The following TFEC variants were observed in gnomAD, a reference collection of about 807,000 sequenced individuals.
TFEC encodes transcription factor EC.
In TFEC, 31 loss-of-function variants were observed where a neutral mutation model predicts 41.6. The observed-to-expected ratio is 0.74, with a 90% CI of 0.56 to 1.01. TFEC has a LOEUF of 1.01. Among genes scored for constraint, TFEC ranks in the 50% least tolerant of loss-of-function variants. The pLI, the probability that TFEC is intolerant of heterozygous loss-of-function variation, is 0.00. For synonymous variants in TFEC, 143 were observed against 140.6 expected, an observed-to-expected ratio of 1.02 and a Z score of -0.12; for missense variants, 402 against 404.1, an observed-to-expected ratio of 0.99 and a Z score of 0.04.
chr7:116,009,640 G>C (rs962936154), intron 1 of TFEC, among the ~76,000 whole-genome samples: 4 of 151,980 alleles, frequency 2.6e-5, no homozygotes, highest in African/African-American at 7.2e-5. Flanking sequence ...AAGGTAAAAG[G>C]TGTCATAAAA....
At chr7:115,965,241 T>G (rs530417181) in intron 3 of TFEC, among the ~76,000 whole-genome samples, 124 of 151,766 alleles carry the variant, frequency 8.2e-4, no homozygotes, top group Non-Finnish European at 1.6e-3. Context: ...CGGTAATAGC[T>G]TCTTAAAGGG....
At chr7:116,118,433 C>G (rs1217187164) in intron 1 of TFEC, among the ~76,000 whole-genome samples, 1 of 151,762 alleles carries the variant, frequency 6.6e-6, no homozygotes, top group Non-Finnish European at 1.5e-5. Context: ...AAATAATGAG[C>G]TCATTGTGCC....
intron 3 of TFEC, among the ~76,000 whole-genome samples, chr7:115,961,547 T>C (rs1026093547): frequency 3.3e-5 from 5 of 151,300 alleles, no homozygotes; most frequent in African/African-American, 7.3e-5. Context: ...ATAGATAATA[T>C]AATAAGGCCG....
intron 3 of TFEC, among the ~76,000 whole-genome samples, chr7:115,967,434 C>A (rs770101451): frequency 9.9e-5 from 15 of 151,698 alleles, no homozygotes; most frequent in Non-Finnish European, 1.9e-4. Context: ...CTAGAGTGCA[C>A]AATGCATGCA....
intron 3 of TFEC, among the ~76,000 whole-genome samples, chr7:116,085,144 C>T (rs780313385): frequency 4.0e-5 from 6 of 151,804 alleles, no homozygotes; most frequent in Non-Finnish European, 5.9e-5. Context: ...AGTAAGCTTG[C>T]TGGGCTTGAG....
intron 3 of TFEC, among the ~76,000 whole-genome samples, chr7:116,043,872 A>T (rs573971927): frequency 6.6e-6 from 1 of 152,276 alleles, no homozygotes; most frequent in African/African-American, 2.4e-5. Context: ...GAGCTCTTCA[A>T]TTAGTGAGGT....
chr7:116,058,221 C>T (rs918728350), intron 3 of TFEC, among the ~76,000 whole-genome samples: 4 of 151,360 alleles, frequency 2.6e-5, no homozygotes, highest in Non-Finnish European at 5.9e-5. Context: ...GATCAAAAGG[C>T]AATTGGAATG....
At chr7:116,095,411 C>CACATACACACATACACATAT (rs1265567100) in intron 3 of TFEC, among the ~76,000 whole-genome samples, 4 of 152,154 alleles carry the variant, frequency 2.6e-5, no homozygotes, top group African/African-American at 7.2e-5. Context: ...CATGTGTGGA[C>CACATACACACATACACATAT]ACATACACAC....
intron 3 of TFEC, among the ~76,000 whole-genome samples, chr7:116,038,324 A>G (rs1469054361): frequency 6.6e-6 from 1 of 151,978 alleles, no homozygotes; most frequent in Non-Finnish European, 1.5e-5. Flanking sequence ...CTTTTGCCAG[A>G]CAGGTGCCAT....
intron 3 of TFEC, among the ~76,000 whole-genome samples, chr7:116,056,696 A>G (rs1471031575): frequency 6.6e-6 from 1 of 152,138 alleles, no homozygotes; most frequent in Non-Finnish European, 1.5e-5. Flanking sequence ...ACTCTCTTTA[A>G]CTAACTAAAT....
chr7:115,988,282 AT>A (rs1301385442), intron 1 of TFEC, among the ~76,000 whole-genome samples: 2 of 152,174 alleles, frequency 1.3e-5, no homozygotes, highest in Non-Finnish European at 2.9e-5. Flanking sequence ...ACCAGGATGA[AT>A]TTTTTAAAAA....
At chr7:116,054,851 T>G (rs1002651199) in intron 3 of TFEC, among the ~76,000 whole-genome samples, 1 of 152,120 alleles carries the variant, frequency 6.6e-6, no homozygotes, top group African/African-American at 2.4e-5. Flanking sequence ...ATAAGATAGA[T>G]CTTTACCACT....
chr7:116,035,975 C>T (rs1007334790), intron 3 of TFEC, among the ~76,000 whole-genome samples: 1 of 151,822 alleles, frequency 6.6e-6, no homozygotes, highest in Non-Finnish European at 1.5e-5. Flanking sequence ...AAAAAAATCA[C>T]TAAATACAAA....
At chr7:116,016,718 T>C (rs1795205778) in intron 1 of TFEC, among the ~76,000 whole-genome samples, 1 of 151,828 alleles carries the variant, frequency 6.6e-6, no homozygotes, top group Admixed American at 6.6e-5. Context: ...TATATAGTTA[T>C]AGTATATGCA....
chr7:116,096,337 T>G (rs1797459856), intron 3 of TFEC, among the ~76,000 whole-genome samples: 1 of 152,250 alleles, frequency 6.6e-6, no homozygotes, highest in African/African-American at 2.4e-5. Context: ...TGTCAAATAG[T>G]CTCATATTTT....
intron 3 of TFEC, among the ~76,000 whole-genome samples, chr7:116,105,029 T>C (rs1182657686): frequency 2.0e-5 from 3 of 152,192 alleles, no homozygotes; most frequent in Admixed American, 6.5e-5. Context: ...TATACATCTC[T>C]TGGTATTTTT....
At chr7:116,087,760 A>AG (rs1797234166) in intron 3 of TFEC, among the ~76,000 whole-genome samples, 1 of 152,046 alleles carries the variant, frequency 6.6e-6, no homozygotes, top group Non-Finnish European at 1.5e-5. Context: ...TATTAATGAA[A>AG]AAGGAAAAAT....
At chr7:115,987,612 C>T (rs1424656782) in intron 1 of TFEC, among the ~76,000 whole-genome samples, 1 of 152,070 alleles carries the variant, frequency 6.6e-6, no homozygotes, top group Admixed American at 6.6e-5. Context: ...ACAGCATAGT[C>T]ACAATCTAGA....
At chr7:116,084,345 C>CT (rs1797155952) in intron 3 of TFEC, among the ~76,000 whole-genome samples, 1 of 151,844 alleles carries the variant, frequency 6.6e-6, no homozygotes, top group Non-Finnish European at 1.5e-5. Context: ...GTACAACTAA[C>CT]TTTATTCTGC....
Sources: allele counts gnomAD v4.1 joint callset (sites outside exome capture counted in the v4.1 genomes callset), GRCh38; gene constraint gnomAD v4.1.1; transcripts MANE v1.5; gene names NCBI Gene and HGNC (gene_info 2026-07-23, HGNC 2026-07-21).